The following RUFY3 variants were observed in gnomAD, a reference collection of about 807,000 sequenced individuals.
RUFY3 encodes the protein RUN and FYVE domain containing 3.
A neutral mutation model predicts 84.0 loss-of-function variants in RUFY3; 34 were observed. That is an observed-to-expected ratio of 0.40 (90% CI 0.31 to 0.54). RUFY3 has a LOEUF of 0.54. Among genes scored for constraint, RUFY3 ranks in the 20% least tolerant of loss-of-function variants. RUFY3 has a pLI of 0.39. For synonymous variants in RUFY3, 242 were observed against 252.9 expected, an observed-to-expected ratio of 0.96 and a Z score of 0.41; for missense variants, 507 against 736.8, an observed-to-expected ratio of 0.69 and a Z score of 3.61.
intron 1 of RUFY3, among the ~76,000 whole-genome samples, chr4:70,710,763 T>G (rs28729262): frequency 0.11 from 16,141 of 151,354 alleles, 1,635 homozygotes; most frequent in African/African-American, 0.27. Flanking sequence ...TTAATTTATA[T>G]AAAGAGATAT....
chr4:70,712,367 T>G (rs1330092705), intron 1 of RUFY3, among the ~76,000 whole-genome samples: 2 of 152,202 alleles, frequency 1.3e-5, no homozygotes, highest in Admixed American at 1.3e-4. Flanking sequence ...AAAGCGCATG[T>G]TCTTAATCAC....
chr4:70,729,475 C>T (rs976579237), intron 1 of RUFY3, among the ~76,000 whole-genome samples: 1 of 152,078 alleles, frequency 6.6e-6, no homozygotes, highest in Non-Finnish European at 1.5e-5. Flanking sequence ...CCAGGCTGGT[C>T]TCGAACTCCT....
At chr4:70,763,499 T>A in intron 2 of RUFY3, 53 bp from the exon 3 acceptor site, 12 of 1,387,750 alleles carry the variant, frequency 8.6e-6, no homozygotes, top group Non-Finnish European at 1.2e-5. Context: ...GTATTGAGAG[T>A]GCGCTTATGT....
chr4:70,730,134 C>T (rs576127842), intron 1 of RUFY3, among the ~76,000 whole-genome samples: 1 of 151,874 alleles, frequency 6.6e-6, no homozygotes, highest in African/African-American at 2.4e-5. Flanking sequence ...AGGTTTTCAC[C>T]ATGTTGGCCA....
rs143375244 is a variant in RUFY3 at position 70,778,942 on chromosome 4, A to G, written c.894+504A>G. Among the ~76,000 whole-genome samples, 1,156 of 152,266 alleles carry G rather than the reference A, an allele frequency of 7.6e-3. 8 individuals are homozygous for G. Among genetic ancestry groups the G allele is most frequent in the South Asian group, 0.026 (127 of 4,824 alleles). On this transcript the variant is annotated intron_variant, in intron 8 of 17. Transcript: ENST00000381006. Reference sequence around the variant, plus strand: ...TTATTGCAGGGATCTCATTTACCCAATTAGACTGTGTAGGGGCATGTTGCC... The same window carrying G: ...TTATTGCAGGGATCTCATTTACCCAGTTAGACTGTGTAGGGGCATGTTGCC...
intron 1 of RUFY3, among the ~76,000 whole-genome samples, chr4:70,735,857 G>A (rs1216986795): frequency 1.3e-5 from 2 of 151,936 alleles, no homozygotes; most frequent in African/African-American, 4.8e-5. Flanking sequence ...GCATGGTGGC[G>A]GATACTTGCA....
chr4:70,739,028 A>G (rs1404906900), intron 1 of RUFY3, among the ~76,000 whole-genome samples: 3 of 151,738 alleles, frequency 2.0e-5, no homozygotes, highest in African/African-American at 4.8e-5. Context: ...GTAAAATTAA[A>G]ATGGCTGAAG....
At chr4:70,747,750 C>T (rs1386991919) in intron 1 of RUFY3, among the ~76,000 whole-genome samples, 1 of 152,158 alleles carries the variant, frequency 6.6e-6, no homozygotes, top group Non-Finnish European at 1.5e-5. Flanking sequence ...ATGGTGGTTG[C>T]ATTCCTGGAG....
At position 70,806,501 on chromosome 4, in the gene RUFY3, C is replaced by A. The variant is rs763622499; in HGVS notation, c.1720-15C>A. 2.2e-5 allele frequency: 36 copies of A among 1,613,528 alleles called. No individual in the cohort carries two copies. The highest frequency in any genetic ancestry group is 3.4e-6 in the Non-Finnish European group (4 of 1,179,642). ...GCTCATCTTCTATTCCCCGCCTAAC[C>A]TCCTCTTCTCATAGAATGTGTGTAA... is the stretch of plus-strand genomic sequence containing the variant. On this transcript the variant is annotated splice_polypyrimidine_tract_variant and intron_variant, in intron 17 of 17. Transcript: ENST00000381006.
rs77443528 is a variant in RUFY3 at position 70,802,685 on chromosome 4, A to G, written c.1623-271A>G. The stretch of plus-strand genomic sequence containing the variant: ...AAATGCTAACTATTTTGATAGCAAA[A>G]AGGAATGTAAAATATAACTTCAAAT... On this transcript the variant is annotated intron_variant, in intron 15 of 17. Coordinates refer to ENST00000381006, the MANE Select transcript of RUFY3 (RefSeq NM_001037442.4). Among the ~76,000 whole-genome samples, 1,182 of 152,334 alleles carry G rather than the reference A, an allele frequency of 7.8e-3. 16 individuals are homozygous for G. Among genetic ancestry groups the G allele is most frequent in the African/African-American group, 0.027 (1,123 of 41,578 alleles).
chr4:70,740,252 G>A (rs1721116019), intron 1 of RUFY3, among the ~76,000 whole-genome samples: 1 of 152,058 alleles, frequency 6.6e-6, no homozygotes, highest in African/African-American at 2.4e-5. Context: ...TTAGTTTCTG[G>A]GGGAGAAAAG....
upstream of RUFY3, chr4:70,704,727 G>C (rs921515182): frequency 3.1e-6 from 1 of 325,520 alleles, no homozygotes; most frequent in Non-Finnish European, 5.5e-6. Context: ...CGTCGGGCGG[G>C]GCGGTCCCTC....
chr4:70,763,866 T>C (rs1725422814), intron 3 of RUFY3, among the ~76,000 whole-genome samples, 197 bp downstream of exon 3: 1 of 152,230 alleles, frequency 6.6e-6, no homozygotes, highest in African/African-American at 2.4e-5. Context: ...GGGATAATTA[T>C]TCATCTAAGA....
At chr4:70,779,761 A>AG (rs1437761349) in intron 8 of RUFY3, among the ~76,000 whole-genome samples, 1 of 151,674 alleles carries the variant, frequency 6.6e-6, no homozygotes, top group African/African-American at 2.4e-5. Flanking sequence ...TTTAGTAGAG[A>AG]GGGGGTCTTG....
intron 15 of RUFY3, among the ~76,000 whole-genome samples, chr4:70,800,604 C>T (rs1292836515): frequency 6.6e-6 from 1 of 152,210 alleles, no homozygotes; most frequent in Admixed American, 6.5e-5. Flanking sequence ...AAATAAGTGG[C>T]TGGGCGCAGT....
Position 70,722,267 on chromosome 4 carries a change from T to G in RUFY3, c.-307T>G. ...CCTATAGCTCAGCTGAAAAAAAAGGTGGGGGGCAGGGAAGGGAAGATAAAA... is the reference window on the plus strand; with the variant it reads ...CCTATAGCTCAGCTGAAAAAAAAGGGGGGGGGCAGGGAAGGGAAGATAAAA... On this transcript the variant is annotated 5_prime_UTR_variant, in exon 1 of 18. Coordinates refer to ENST00000381006, the MANE Select transcript of RUFY3 (RefSeq NM_001037442.4). 8.1e-7 allele frequency: 1 copy of G among 1,231,218 alleles called. No individual in the cohort carries two copies. 76.3% of individuals were successfully genotyped at this position (1,231,218 alleles called of 1,614,324 possible).
At chr4:70,765,928 A>G (rs1350823769) in intron 4 of RUFY3, among the ~76,000 whole-genome samples, 2 of 151,644 alleles carry the variant, frequency 1.3e-5, no homozygotes, top group Non-Finnish European at 2.9e-5. Flanking sequence ...ACACCCAGCT[A>G]ATTTTTGTAT....
chr4:70,704,853 G>GGCGGC, exon 1 of RUFY3: 3 of 906,608 alleles, frequency 3.3e-6, no homozygotes, highest in Non-Finnish European at 4.3e-6. Flanking sequence ...GACGGGACGG[G>GGCGGC]GCGGCGGCTC....
chr4:70,763,692 T>C lies in RUFY3; in HGVS notation c.470+23T>C, dbSNP rs769231676. On this transcript the variant is annotated intron_variant, in intron 3 of 17. Coordinates refer to ENST00000381006, the MANE Select transcript of RUFY3 (RefSeq NM_001037442.4). ...TAAGTAAGTCTAAGGTTGAATTCCA[T>C]TTCTCAGGAACAGCATTCTTATTAA... 4.4e-6 allele frequency: 7 copies of C among 1,600,100 alleles called. No individual in the cohort carries two copies. The East Asian group carries it at 1.3e-4, about 31-fold the overall frequency.
Sources: allele counts gnomAD v4.1 joint callset (sites outside exome capture counted in the v4.1 genomes callset), GRCh38; gene constraint gnomAD v4.1.1; transcripts MANE v1.5; gene names NCBI Gene and HGNC (gene_info 2026-07-23, HGNC 2026-07-21).